The following ABCA13 variants were observed in gnomAD, a reference collection of about 807,000 sequenced individuals.
The protein encoded by ABCA13 is ATP binding cassette subfamily A member 13.
Under a neutral mutation model 478.7 loss-of-function variants are expected in ABCA13, and 476 were observed. The observed-to-expected ratio is 0.99, with a 90% CI of 0.92 to 1.07. The LOEUF (loss-of-function observed/expected upper bound fraction) is 1.07, where lower values mean the gene tolerates loss of function less well. Among genes scored for constraint, ABCA13 ranks in the 50% least tolerant of loss-of-function variants. The pLI is 0.00. For synonymous variants in ABCA13, 2,252 were observed against 2,158.9 expected (o/e 1.04, Z -1.20); for missense variants, 6,060 against 5,910.6 (o/e 1.03, Z -0.83).
At chr7:48,256,273 T>C (rs1270046527) in intron 15 of ABCA13, among the ~76,000 whole-genome samples, 4 of 152,206 alleles carry the variant, frequency 2.6e-5, no homozygotes, top group African/African-American at 9.6e-5. Context: ...GATAGTTTCT[T>C]TTGCTGTGCA....
chr7:48,626,817 G>A (rs911656285), intron 59 of ABCA13: 3 of 985,466 alleles, frequency 3.0e-6, no homozygotes, highest in Admixed American at 1.2e-4. Context: ...GGAGGATTCT[G>A]GGTGTTGAGT....
chr7:48,640,589 A>G (rs1396784209), intron 59 of ABCA13, among the ~76,000 whole-genome samples: 1 of 152,232 alleles, frequency 6.6e-6, no homozygotes, highest in South Asian at 2.1e-4. Context: ...ATAACGTATT[A>G]TCTAGAAATG....
intron 42 of ABCA13, among the ~76,000 whole-genome samples, chr7:48,452,801 T>G (rs1310534410): frequency 1.3e-5 from 2 of 152,230 alleles, no homozygotes; most frequent in African/African-American, 4.8e-5. Flanking sequence ...GTCAAAGGGC[T>G]GTGAAGATAT....
At chr7:48,349,405 T>C (rs1228127299) in intron 29 of ABCA13, among the ~76,000 whole-genome samples, 1 of 152,342 alleles carries the variant, frequency 6.6e-6, no homozygotes, top group East Asian at 1.9e-4. Context: ...TTCTCATCCA[T>C]CTGAAGTTGG....
At chr7:48,184,571 G>A (rs187963714) in intron 1 of ABCA13, among the ~76,000 whole-genome samples, 13 of 152,248 alleles carry the variant, frequency 8.5e-5, no homozygotes, top group Middle Eastern at 3.4e-3. Flanking sequence ...TGTAATCCCA[G>A]CACTTTGGAA....
intron 48 of ABCA13, among the ~76,000 whole-genome samples, chr7:48,496,173 G>T (rs1388305309): frequency 2.0e-5 from 3 of 151,714 alleles, no homozygotes; most frequent in East Asian, 3.9e-4. Context: ...CTCTTTTCTT[G>T]CTTTCCATGA....
At chr7:48,601,211 ACTTTT>A (rs1366218544) in intron 58 of ABCA13, among the ~76,000 whole-genome samples, 1 of 151,786 alleles carries the variant, frequency 6.6e-6, no homozygotes, top group Non-Finnish European at 1.5e-5. Flanking sequence ...TGGTTGTCAG[ACTTTT>A]CTTTAATTCT....
At chr7:48,269,941 T>A (rs1015361112) in intron 16 of ABCA13, among the ~76,000 whole-genome samples, 2 of 152,212 alleles carry the variant, frequency 1.3e-5, no homozygotes, top group Admixed American at 1.3e-4. Context: ...GAGAATCAAT[T>A]CCTTGCTTAG....
chr7:48,309,550 A>G (rs904365678), intron 23 of ABCA13, among the ~76,000 whole-genome samples: 1 of 152,184 alleles, frequency 6.6e-6, no homozygotes, highest in Non-Finnish European at 1.5e-5. Context: ...TGAAAAGTGG[A>G]AGCTGATAAA....
chr7:48,305,679 C>T lies in ABCA13; in HGVS notation c.9322-4268C>T, dbSNP rs1164068548. Among the ~76,000 whole-genome samples, 4 of 152,180 alleles carry T rather than the reference C, an allele frequency of 2.6e-5. No homozygotes were observed. The East Asian group carries it at 5.8e-4, about 22-fold the overall frequency. ...CTGGTGCTCTCCTCTGAATGCGATT[C>T]GGGTTTCAGCAGATGTCCAATAAAC... On this transcript the variant is annotated intron_variant, in intron 23 of 61. Coordinates refer to ENST00000435803, the MANE Select transcript of ABCA13 (RefSeq NM_152701.5).
chr7:48,219,302 G>A lies in ABCA13; in HGVS notation c.288-52G>A, dbSNP rs969106896. ...ATCAAGAATCTTAAAAAATGCCAAG[G>A]AAACTTATTCTTGTTAAAGAGTTTC... On this transcript the variant is annotated intron_variant, in intron 3 of 61. Transcript: ENST00000435803. The A allele has an allele frequency of 9.1e-6, 14 of 1,544,246 alleles. No individual in the cohort carries two copies. In the African/African-American group the frequency reaches 1.6e-4, roughly 17 times the overall value.
chr7:48,330,653 C>T lies in ABCA13; in HGVS notation c.10000-4769C>T, dbSNP rs372053142. On this transcript the variant is annotated intron_variant, in intron 27 of 61. Coordinates refer to ENST00000435803, the MANE Select transcript of ABCA13 (RefSeq NM_152701.5). ...TCTATCTGTCCATCCATCCATCCAT[C>T]TATTCATTCATTCAACCATCGATTC... Among the ~76,000 whole-genome samples, 186 of 151,854 alleles carry T rather than the reference C, an allele frequency of 1.2e-3. 5 individuals carry two copies. In the South Asian group the frequency reaches 0.037, roughly 30 times the overall value.
At chr7:48,214,621 T>C (rs1417406578) in intron 3 of ABCA13, among the ~76,000 whole-genome samples, 1 of 152,214 alleles carries the variant, frequency 6.6e-6, no homozygotes, top group Non-Finnish European at 1.5e-5. Context: ...AATGCTTACA[T>C]CTTCACCTTG....
chr7:48,575,363 A>G lies in ABCA13; in HGVS notation c.14355-4861A>G, dbSNP rs535278021. Among the ~76,000 whole-genome samples the G allele has an allele frequency of 7.2e-5, 11 of 152,300 alleles. No homozygotes were observed. The East Asian group carries it at 9.6e-4, about 13-fold the overall frequency. On this transcript the variant is annotated intron_variant, in intron 55 of 61. Coordinates refer to ENST00000435803, the MANE Select transcript of ABCA13 (RefSeq NM_152701.5). ...GACTTAAAGGTTAAAATTTTATGAC[A>G]TAAGTGTGGAAACTTTCATGATAAA...
At chr7:48,267,003 T>C (rs1304606253) in intron 15 of ABCA13, among the ~76,000 whole-genome samples, 2 of 152,042 alleles carry the variant, frequency 1.3e-5, no homozygotes, top group Non-Finnish European at 2.9e-5. Context: ...ATTTCTGTTA[T>C]TGATTTCCAA....
At chr7:48,489,580 A>G (rs1294838732) in intron 48 of ABCA13, among the ~76,000 whole-genome samples, 2 of 152,214 alleles carry the variant, frequency 1.3e-5, no homozygotes, top group African/African-American at 2.4e-5. Context: ...TGAGGGGAAC[A>G]AAATGTGACT....
intron 59 of ABCA13, among the ~76,000 whole-genome samples, chr7:48,642,734 A>G (rs1349484268): frequency 1.3e-5 from 2 of 152,202 alleles, no homozygotes; most frequent in African/African-American, 4.8e-5. Flanking sequence ...CTATAACTCT[A>G]CAATGTGAGG....
intron 56 of ABCA13, 84 bp downstream of exon 56, chr7:48,580,458 A>G (rs531570840): frequency 7.2e-7 from 1 of 1,384,012 alleles, no homozygotes; most frequent in Admixed American, 2.0e-5. Context: ...CAGCTCTCTC[A>G]CCCTATGAGG....
intron 52 of ABCA13, 79 bp from the exon 53 acceptor site, chr7:48,519,961 AG>A: frequency 7.2e-7 from 1 of 1,389,152 alleles, no homozygotes; most frequent in African/African-American, 1.4e-5. Context: ...CTAACCAAGG[AG>A]AAAAAGAAGT....
Sources: gnomAD v4.1 joint callset for allele counts (sites outside exome capture counted in the v4.1 genomes callset) on GRCh38, gnomAD v4.1.1 for gene constraint, MANE v1.5 for transcripts, NCBI Gene and HGNC (gene_info 2026-07-23, HGNC 2026-07-21) for gene names.